Variants in PCDHA1 observed in about 807,000 individuals in gnomAD.
The protein encoded by PCDHA1 is protocadherin alpha 1, also known as protocadherin alpha-1.
In PCDHA1, 42 loss-of-function variants were observed where a neutral mutation model predicts 61.3. The observed-to-expected ratio is 0.69, with a 90% CI of 0.54 to 0.89. The LOEUF (loss-of-function observed/expected upper bound fraction) is 0.89. Ranked by LOEUF, PCDHA1 falls within the 40% of genes least tolerant of loss-of-function variation. The pLI, the probability that PCDHA1 is intolerant of heterozygous loss-of-function variation, is 0.00. For synonymous variants in PCDHA1, 610 were observed against 553.8 expected, an observed-to-expected ratio of 1.10 and a Z score of -1.43; for missense variants, 1,256 against 1,235.3, an observed-to-expected ratio of 1.02 and a Z score of -0.25.
intron 1 of PCDHA1, chr5:140,796,351 T>G: frequency 6.2e-7 from 1 of 1,611,198 alleles, no homozygotes; most frequent in Non-Finnish European, 8.5e-7. Flanking sequence ...GTACACAGTA[T>G]TCGTGAAGGA....
At chr5:140,808,768 G>A (rs561061447) in intron 1 of PCDHA1, 81,266 of 1,612,160 alleles carry the variant, frequency 0.05, 2,408 homozygotes, top group Middle Eastern at 0.074. Context: ...ACCACGAGGA[G>A]CTAGAGCTGC....
intron 1 of PCDHA1, chr5:140,927,070 A>G (rs1697871410): frequency 1.9e-6 from 3 of 1,610,816 alleles, no homozygotes; most frequent in Non-Finnish European, 2.5e-6. Context: ...CTTCCTTTCC[A>G]GCCACCGCGA....
chr5:140,858,651 T>A, intron 1 of PCDHA1: 1 of 830,780 alleles, frequency 1.2e-6, no homozygotes, highest in Non-Finnish European at 1.8e-6. Context: ...GTACTTAAAT[T>A]TTTTTAAATA....
At chr5:140,849,855 G>T (rs2150454163) in intron 1 of PCDHA1, 3 of 1,598,654 alleles carry the variant, frequency 1.9e-6, no homozygotes, top group Non-Finnish European at 2.6e-6. Flanking sequence ...CAACGCACCA[G>T]CGTTCGCGCA....
At chr5:140,981,812 A>C (rs1563492177) in intron 2 of PCDHA1, among the ~76,000 whole-genome samples, 1 of 152,052 alleles carries the variant, frequency 6.6e-6, no homozygotes, top group African/African-American at 2.4e-5. Context: ...TTTATGTTCT[A>C]TCTCTGCTTG....
chr5:140,922,765 A>T (rs1346337086), intron 1 of PCDHA1, among the ~76,000 whole-genome samples: 1 of 152,258 alleles, frequency 6.6e-6, no homozygotes, highest in Non-Finnish European at 1.5e-5. Flanking sequence ...TAAAGAATTT[A>T]AAAGAACTGG....
At chr5:140,843,743 A>C (rs2150365956) in intron 1 of PCDHA1, 2 of 1,536,300 alleles carry the variant, frequency 1.3e-6, no homozygotes, top group Admixed American at 3.6e-5. Context: ...TAGAACTCAT[A>C]AATTCTATTT....
chr5:140,829,493 A>G, intron 1 of PCDHA1: 1 of 1,613,654 alleles, frequency 6.2e-7, no homozygotes, highest in Non-Finnish European at 8.5e-7. Flanking sequence ...GAAGGAGAAC[A>G]ACCCGCCGGG....
chr5:140,864,323 T>C (rs2048419778), intron 1 of PCDHA1: 1 of 152,230 alleles, frequency 6.6e-6, no homozygotes, highest in Admixed American at 6.5e-5. Flanking sequence ...TTTAATATCA[T>C]AATTATTTGA....
At chr5:140,971,682 T>C (rs782404162) in intron 1 of PCDHA1, among the ~76,000 whole-genome samples, 5 of 152,156 alleles carry the variant, frequency 3.3e-5, no homozygotes, top group Non-Finnish European at 4.4e-5. Flanking sequence ...AGTAAGGGAA[T>C]TTGTACTCAC....
At chr5:140,829,423 G>A (rs2150167639) in intron 1 of PCDHA1, 3 of 1,614,120 alleles carry the variant, frequency 1.9e-6, no homozygotes, top group Middle Eastern at 1.7e-4. Flanking sequence ...TGTCTGTGGA[G>A]GTGGCCGACA....
intron 3 of PCDHA1, among the ~76,000 whole-genome samples, chr5:140,983,126 G>A (rs1466016868): frequency 6.6e-6 from 1 of 152,206 alleles, no homozygotes; most frequent in African/African-American, 2.4e-5. Context: ...ACATTCTGCA[G>A]ACTGACTTTT....
intron 1 of PCDHA1, among the ~76,000 whole-genome samples, chr5:140,792,422 T>A (rs1167993660): frequency 1.3e-5 from 2 of 152,134 alleles, no homozygotes; most frequent in Non-Finnish European, 2.9e-5. Flanking sequence ...TCTTTTGGGG[T>A]ATCTTTGACC....
intron 1 of PCDHA1, among the ~76,000 whole-genome samples, chr5:140,891,611 T>G (rs1457156522): frequency 6.6e-6 from 1 of 152,226 alleles, no homozygotes; most frequent in East Asian, 1.9e-4. Context: ...TTTCTACCTT[T>G]TATTTTAACA....
intron 1 of PCDHA1, among the ~76,000 whole-genome samples, chr5:140,888,362 T>G (rs1282144902): frequency 6.6e-6 from 1 of 152,208 alleles, no homozygotes; most frequent in African/African-American, 2.4e-5. Flanking sequence ...TACTGGCATC[T>G]AATAATGGAG....
intron 1 of PCDHA1, chr5:140,841,170 T>G: frequency 1.0e-6 from 1 of 982,276 alleles, no homozygotes; most frequent in Non-Finnish European, 1.5e-6. Context: ...AAGTTCTGGT[T>G]GGTCAATGTT....
chr5:140,796,859 G>A (rs782706957), intron 1 of PCDHA1: 1 of 1,614,088 alleles, frequency 6.2e-7, no homozygotes, highest in East Asian at 2.2e-5. Flanking sequence ...GGTGAGATCA[G>A]CACGACACGT....
chr5:140,854,329 T>C lies in PCDHA1; in HGVS notation c.2394+65645T>C, dbSNP rs1380061038. The C allele has an allele frequency of 1.9e-5, 4 of 216,048 alleles. 1 individual carries two copies. The highest frequency in any genetic ancestry group is 3.1e-5 in the Non-Finnish European group (4 of 127,638). 13.4% of individuals were successfully genotyped at this position (216,048 alleles called of 1,614,324 possible). ...AGATGATTGATCAATGGCAAACTTA[T>C]TTTACGCTCCAGATAGCTAAAACAA... On this transcript the variant is annotated intron_variant, in intron 1 of 3. Coordinates refer to ENST00000504120, the MANE Select transcript of PCDHA1 (RefSeq NM_018900.4).
chr5:140,933,166 T>C (rs1447932546), intron 1 of PCDHA1, among the ~76,000 whole-genome samples: 1 of 152,002 alleles, frequency 6.6e-6, no homozygotes, highest in African/African-American at 2.4e-5. Context: ...CCAATTTTAA[T>C]TGATGGCATA....
Sources: allele counts gnomAD v4.1 joint callset (sites outside exome capture counted in the v4.1 genomes callset), GRCh38; gene constraint gnomAD v4.1.1; transcripts MANE v1.5; gene names NCBI Gene and HGNC (gene_info 2026-07-23, HGNC 2026-07-21).